Variants in KLHL1 observed in about 807,000 individuals in gnomAD.
KLHL1 encodes the protein kelch like family member 1.
Under a neutral mutation model 77.7 loss-of-function variants are expected in KLHL1, and 47 were observed. The observed-to-expected ratio is 0.60, with a 90% CI of 0.48 to 0.77. The LOEUF (loss-of-function observed/expected upper bound fraction) is 0.77. Among genes scored for constraint, KLHL1 ranks in the 30% least tolerant of loss-of-function variants. KLHL1 has a pLI of 0.00. For synonymous variants in KLHL1, 360 were observed against 325.2 expected, an observed-to-expected ratio of 1.11 and a Z score of -1.15; for missense variants, 925 against 910.8, an observed-to-expected ratio of 1.02 and a Z score of -0.20.
intron 4 of KLHL1, among the ~76,000 whole-genome samples, chr13:69,928,838 T>C (rs1882900293): frequency 6.6e-6 from 1 of 152,152 alleles, no homozygotes; most frequent in African/African-American, 2.4e-5. Context: ...ATAGTGGTGA[T>C]AGTTGCACAA....
chr13:69,934,905 G>A (rs17085685), intron 4 of KLHL1, among the ~76,000 whole-genome samples: 7,366 of 147,404 alleles, frequency 0.05, 442 homozygotes, highest in African/African-American at 0.14. Flanking sequence ...TTATGGGAGG[G>A]TTCCCATTGC....
intron 1 of KLHL1, among the ~76,000 whole-genome samples, chr13:70,077,595 A>G (rs1000138051): frequency 3.3e-5 from 5 of 152,066 alleles, no homozygotes; most frequent in African/African-American, 1.2e-4. Flanking sequence ...ATTTTGGATA[A>G]TAACAATGTA....
rs113510761 is a variant in KLHL1 at position 69,795,836 on chromosome 13, T to C, written c.1639+902A>G. ...AGATAAACCCTGTCATAATGACTTA[T>C]GGTGCCAGCGAATGTGTTGCTCTTT... On this transcript the variant is annotated intron_variant, in intron 7 of 10. Transcript: ENST00000377844. 1.3e-3 allele frequency among the ~76,000 whole-genome samples: 192 copies of C among 152,344 alleles called. 1 individual carries two copies. Among genetic ancestry groups the C allele is most frequent in the African/African-American group, 4.3e-3 (179 of 41,582 alleles).
intron 1 of KLHL1, among the ~76,000 whole-genome samples, chr13:70,086,597 AGAAAGAAAGAAAGAAAGAAAG>A (rs1566564217): frequency 0.22 from 12,303 of 56,818 alleles, 1,713 homozygotes; most frequent in Admixed American, 0.3. Flanking sequence ...AAAAAAAGAA[AGAAAGAAAGAAAGAAAGAAAG>A]AAAGAAAGAA....
intron 7 of KLHL1, among the ~76,000 whole-genome samples, chr13:69,787,008 G>C (rs1876587459): frequency 6.6e-6 from 1 of 152,162 alleles, no homozygotes; most frequent in Non-Finnish European, 1.5e-5. Context: ...TGAAATAAAA[G>C]AGGATACAAA....
chr13:69,826,712 T>G (rs190057724), intron 6 of KLHL1, among the ~76,000 whole-genome samples: 1 of 152,174 alleles, frequency 6.6e-6, no homozygotes, highest in African/African-American at 2.4e-5. Flanking sequence ...CAAAGTATCA[T>G]GTTTTAAACC....
chr13:69,909,010 G>C (rs1372117071), intron 4 of KLHL1, among the ~76,000 whole-genome samples: 1 of 148,600 alleles, frequency 6.7e-6, no homozygotes, highest in Non-Finnish European at 1.5e-5. Flanking sequence ...CCTAAATATG[G>C]CTTCATCTAA....
chr13:69,789,620 T>G (rs1372249100), intron 7 of KLHL1, among the ~76,000 whole-genome samples: 1 of 152,088 alleles, frequency 6.6e-6, no homozygotes, highest in Non-Finnish European at 1.5e-5. Context: ...AAATGACCAT[T>G]TTTTTTCCTC....
intron 6 of KLHL1, among the ~76,000 whole-genome samples, chr13:69,835,081 C>T (rs780309589): frequency 6.6e-6 from 1 of 152,052 alleles, no homozygotes; most frequent in Non-Finnish European, 1.5e-5. Flanking sequence ...GTCTACCTTA[C>T]AAATATCCAA....
intron 1 of KLHL1, among the ~76,000 whole-genome samples, chr13:70,106,995 C>CA (rs939933639): frequency 6.6e-6 from 1 of 152,054 alleles, no homozygotes; most frequent in Non-Finnish European, 1.5e-5. Context: ...TGAAAACTTC[C>CA]AAAAAGAAAA....
At position 69,708,190 on chromosome 13, in the gene KLHL1, G is replaced by A. The variant is rs372947187; in HGVS notation, c.2016-394C>T. Among the ~76,000 whole-genome samples, 19 of 152,112 alleles carry A rather than the reference G, an allele frequency of 1.2e-4. No homozygotes were observed. In the East Asian group the frequency reaches 3.3e-3, roughly 26 times the overall value. On this transcript the variant is annotated intron_variant, in intron 9 of 10. Transcript: ENST00000377844. ...AATCTGGGAGCATTGTGGAATACTCGACAGATGAAGTTTCCTTTAAACCAG... is the reference window on the plus strand; with the variant it reads ...AATCTGGGAGCATTGTGGAATACTCAACAGATGAAGTTTCCTTTAAACCAG...
At chr13:70,005,256 G>A (rs1336890262) in intron 1 of KLHL1, among the ~76,000 whole-genome samples, 1 of 151,808 alleles carries the variant, frequency 6.6e-6, no homozygotes, top group Non-Finnish European at 1.5e-5. Flanking sequence ...AAACTTCCAT[G>A]AGCAATAGTA....
Position 69,810,742 on chromosome 13 carries a change from A to G in KLHL1, c.1415-13780T>C, listed in dbSNP as rs1187237720. ...CAATGAAACTAAAAGTTGGTTAACA[A>G]AAAAAAAGAGAGAAGATCCAATCAA... On this transcript the variant is annotated intron_variant, in intron 6 of 10. Coordinates refer to ENST00000377844, the MANE Select transcript of KLHL1 (RefSeq NM_020866.3). Among the ~76,000 whole-genome samples, 4 of 151,664 alleles carry G rather than the reference A, an allele frequency of 2.6e-5. No individual in the cohort carries two copies. In the East Asian group the frequency reaches 5.8e-4, roughly 22 times the overall value.
At chr13:69,776,679 C>T (rs1460300579) in intron 7 of KLHL1, among the ~76,000 whole-genome samples, 2 of 151,978 alleles carry the variant, frequency 1.3e-5, no homozygotes, top group Non-Finnish European at 2.9e-5. Flanking sequence ...AGGTTAAAGG[C>T]ATTTGTTAAA....
At chr13:69,982,744 A>G (rs1174443728) in intron 1 of KLHL1, among the ~76,000 whole-genome samples, 3 of 151,984 alleles carry the variant, frequency 2.0e-5, no homozygotes, top group East Asian at 1.9e-4. Context: ...TATAATAGTT[A>G]TATCAGATAA....
chr13:69,935,122 C>T (rs1883139145), intron 4 of KLHL1, among the ~76,000 whole-genome samples: 1 of 148,986 alleles, frequency 6.7e-6, no homozygotes, highest in African/African-American at 2.5e-5. Flanking sequence ...ATATATTAAC[C>T]TTGACTCTAA....
intron 6 of KLHL1, among the ~76,000 whole-genome samples, chr13:69,814,905 G>A (rs1332508971): frequency 6.6e-6 from 1 of 152,048 alleles, no homozygotes; most frequent in African/African-American, 2.4e-5. Context: ...CAGCTACTCG[G>A]GAGGCTGAGG....
chr13:69,837,644 GTGTATATATATA>G (rs1473411169), intron 6 of KLHL1, among the ~76,000 whole-genome samples: 3 of 123,828 alleles, frequency 2.4e-5, no homozygotes, highest in African/African-American at 7.3e-5. Flanking sequence ...ATATATATAT[GTGTATATATATA>G]TGTGTGTGTG....
At chr13:69,744,365 A>C (rs1373477621) in intron 7 of KLHL1, among the ~76,000 whole-genome samples, 1 of 152,102 alleles carries the variant, frequency 6.6e-6, no homozygotes, top group Non-Finnish European at 1.5e-5. Flanking sequence ...TAGGTTCTGC[A>C]CATGGTTTAA....
Sources: gnomAD v4.1 joint callset for allele counts (sites outside exome capture counted in the v4.1 genomes callset) on GRCh38, gnomAD v4.1.1 for gene constraint, MANE v1.5 for transcripts, NCBI Gene and HGNC (gene_info 2026-07-23, HGNC 2026-07-21) for gene names.